The following SCAPER variants were observed in gnomAD, a reference collection of about 807,000 sequenced individuals.
SCAPER encodes S phase cyclin A-associated protein in the endoplasmic reticulum.
Under a neutral mutation model 182.2 loss-of-function variants are expected in SCAPER, and 98 were observed. That is an observed-to-expected ratio of 0.54 (90% CI 0.46 to 0.64). The LOEUF (loss-of-function observed/expected upper bound fraction) is 0.64. SCAPER is among the 30% of genes least tolerant of loss of function. The pLI is 0.00. For synonymous variants in SCAPER, 605 were observed against 564.6 expected (o/e 1.07, Z -1.01); for missense variants, 1,432 against 1,690.0 (o/e 0.85, Z 2.68).
intron 8 of SCAPER, among the ~76,000 whole-genome samples, chr15:76,783,568 G>C (rs528516457): frequency 6.6e-6 from 1 of 152,050 alleles, no homozygotes; most frequent in Non-Finnish European, 1.5e-5. Context: ...AAGCCTGACA[G>C]AGACACAAAA....
In SCAPER at chr15:76,885,768, T is replaced by C. The variant is rs1005958556; in HGVS notation, c.-59-1892A>G. 3.9e-5 allele frequency among the ~76,000 whole-genome samples: 6 copies of C among 152,130 alleles called. No individual in the cohort carries two copies. The South Asian group carries it at 6.2e-4, about 16-fold the overall frequency. ...CCAAAGTGCTGGGGTTAAAGGCATG[T>C]GCCACCATGCACACCTGGCCCTATT... is the stretch of plus-strand genomic sequence containing the variant. On this transcript the variant is annotated intron_variant, in intron 1 of 31. Coordinates refer to ENST00000563290, the MANE Select transcript of SCAPER (RefSeq NM_020843.4).
At chr15:76,746,029 A>G (rs1202058237) in intron 15 of SCAPER, among the ~76,000 whole-genome samples, 1 of 152,238 alleles carries the variant, frequency 6.6e-6, no homozygotes, top group Non-Finnish European at 1.5e-5. Flanking sequence ...ACAAAATTGG[A>G]CAAATATACA....
At chr15:76,569,687 ATATAT>A (rs1040780751) in intron 23 of SCAPER, among the ~76,000 whole-genome samples, 1 of 151,900 alleles carries the variant, frequency 6.6e-6, no homozygotes, top group African/African-American at 2.4e-5. Flanking sequence ...CATTTTCATC[ATATAT>A]TATATCCTTT....
At chr15:76,903,736 C>A (rs1452779392) in intron 1 of SCAPER, among the ~76,000 whole-genome samples, 2 of 152,100 alleles carry the variant, frequency 1.3e-5, no homozygotes, top group Non-Finnish European at 2.9e-5. Context: ...TAATGCAGCT[C>A]AAGGGAGTGT....
chr15:76,386,666 C>A (rs2043311547), intron 27 of SCAPER, among the ~76,000 whole-genome samples: 1 of 152,048 alleles, frequency 6.6e-6, no homozygotes, highest in Non-Finnish European at 1.5e-5. Context: ...CATGTGGACA[C>A]CTGGGGGAAG....
In SCAPER at chr15:76,425,205, G is replaced by C. The variant is rs184022283; in HGVS notation, c.3311+8873C>G. ...AATTTCTCCTGGATAATATCCTGCA[G>C]AGTGTTTTCCAACTTGGTTCCATTC... On this transcript the variant is annotated intron_variant, in intron 26 of 31. Coordinates refer to ENST00000563290, the MANE Select transcript of SCAPER (RefSeq NM_020843.4). 2.6e-5 allele frequency among the ~76,000 whole-genome samples: 4 copies of C among 152,328 alleles called. No individual in the cohort carries two copies. The East Asian group carries it at 7.7e-4, about 29-fold the overall frequency.
At chr15:76,815,364 T>C (rs2151608873) in intron 5 of SCAPER, among the ~76,000 whole-genome samples, 1 of 152,298 alleles carries the variant, frequency 6.6e-6, no homozygotes, top group South Asian at 2.1e-4. Context: ...CAACCTTAAG[T>C]GTCCATCAAT....
chr15:76,631,648 A>T (rs892366144), intron 21 of SCAPER, among the ~76,000 whole-genome samples: 1 of 152,148 alleles, frequency 6.6e-6, no homozygotes, highest in African/African-American at 2.4e-5. Flanking sequence ...TTCTGCTGAG[A>T]TGTCTGCTGT....
chr15:76,677,996 GTGT>G (rs2057465548), intron 20 of SCAPER, among the ~76,000 whole-genome samples: 1 of 152,000 alleles, frequency 6.6e-6, no homozygotes, highest in South Asian at 2.1e-4. Flanking sequence ...GTTCTGTCAA[GTGT>G]TGTCTCAAAC....
At chr15:76,521,183 T>C (rs992830325) in intron 23 of SCAPER, among the ~76,000 whole-genome samples, 3 of 152,166 alleles carry the variant, frequency 2.0e-5, no homozygotes, top group Admixed American at 1.3e-4. Flanking sequence ...TACTATTAGA[T>C]GAGACAAAGA....
Position 76,596,470 on chromosome 15 carries a change from C to A in SCAPER, c.2712-22186G>T, listed in dbSNP as rs1280623824. Among the ~76,000 whole-genome samples the A allele has an allele frequency of 4.1e-5, 5 of 120,496 alleles. 2 individuals carry two copies. Among genetic ancestry groups the A allele is most frequent in the Admixed American group, 3.8e-4 (4 of 10,572 alleles). 79.1% of individuals were successfully genotyped at this position (120,496 alleles called of 152,430 possible). A position where few individuals can be genotyped will look rare whatever the true frequency, so the allele number is the denominator to read the frequency against. ...TCCTCCCTAACTCATTTTATGAGGC[C>A]AGCATCATCCTGATACCAAAACTCA... is the stretch of plus-strand genomic sequence containing the variant. On this transcript the variant is annotated intron_variant, in intron 22 of 31. Coordinates refer to ENST00000563290, the MANE Select transcript of SCAPER (RefSeq NM_020843.4).
At chr15:76,597,193 C>T (rs1420886132) in intron 22 of SCAPER, among the ~76,000 whole-genome samples, 1 of 121,960 alleles carries the variant, frequency 8.2e-6, no homozygotes, top group Non-Finnish European at 2.0e-5. Flanking sequence ...CATGAGTGAA[C>T]TCCCATTCAC....
rs531172356 is a variant in SCAPER, at chr15:76,512,362, G to A, written c.2839-7388C>T. Among the ~76,000 whole-genome samples the A allele has an allele frequency of 1.1e-4, 17 of 152,002 alleles. 1 individual carries two copies. Among genetic ancestry groups the A allele is most frequent in the African/African-American group, 2.4e-4 (10 of 41,480 alleles). ...TTTTCCAAGACTGAAGGAAATGTTC[G>A]CCCTGAACTTCCTTAACAACCATTA... On this transcript the variant is annotated intron_variant, in intron 23 of 31. Transcript: ENST00000563290.
chr15:76,899,940 C>T (rs1246643484), intron 1 of SCAPER, among the ~76,000 whole-genome samples: 1 of 152,182 alleles, frequency 6.6e-6, no homozygotes, highest in Non-Finnish European at 1.5e-5. Flanking sequence ...CAGATTGTTA[C>T]TGTGTCTGTG....
At chr15:76,351,323 G>A (rs2040530837) in intron 30 of SCAPER, 35 bp from the exon 31 acceptor site, 3 of 1,567,158 alleles carry the variant, frequency 1.9e-6, no homozygotes, top group East Asian at 2.3e-5. Context: ...TTCTATCAAT[G>A]CTATGAACAG....
chr15:76,652,939 C>G (rs1597951023), intron 21 of SCAPER, among the ~76,000 whole-genome samples: 1 of 152,096 alleles, frequency 6.6e-6, no homozygotes, highest in Non-Finnish European at 1.5e-5. Flanking sequence ...AACTACCTCT[C>G]TTTGCTGACA....
chr15:76,880,701 G>C (rs2073476736), intron 2 of SCAPER, among the ~76,000 whole-genome samples: 1 of 148,750 alleles, frequency 6.7e-6, no homozygotes, highest in African/African-American at 2.5e-5. Flanking sequence ...AACACTCTAG[G>C]ATATATTGCT....
chr15:76,466,419 C>CTTTTTTTTTTTTTTTTTTTTTTT, intron 25 of SCAPER, among the ~76,000 whole-genome samples: 32 of 37,416 alleles, frequency 8.6e-4, no homozygotes, highest in East Asian at 1.2e-3. Flanking sequence ...GTTGGTTCTT[C>CTTTTTTTTTTTTTTTTTTTTTTT]TTTTTTTTTT....
At chr15:76,874,114 G>C (rs566520878) in intron 2 of SCAPER, among the ~76,000 whole-genome samples, 4 of 152,180 alleles carry the variant, frequency 2.6e-5, no homozygotes, top group African/African-American at 9.6e-5. Flanking sequence ...GGCTGGTCTT[G>C]AACTCCTAGC....
Sources: allele counts gnomAD v4.1 joint callset (sites outside exome capture counted in the v4.1 genomes callset), GRCh38; gene constraint gnomAD v4.1.1; transcripts MANE v1.5; gene names NCBI Gene and HGNC (gene_info 2026-07-23, HGNC 2026-07-21).